Variants in MYO1B observed in about 807,000 individuals in gnomAD.
MYO1B encodes the protein myosin IB, also known as unconventional myosin-Ib.
MYO1B carries 72 observed loss-of-function variants against 159.7 expected under a neutral mutation model. The ratio of observed to expected loss-of-function variants is 0.45; its 90% CI spans 0.37 to 0.55. The LOEUF (loss-of-function observed/expected upper bound fraction) is 0.55. Among genes scored for constraint, MYO1B ranks in the 20% least tolerant of loss-of-function variants. The probability of loss-of-function intolerance (pLI) is 0.00; values close to 1 mark genes in which losing one functional copy is unlikely to be tolerated. For synonymous variants in MYO1B, 468 were observed against 473.8 expected (o/e 0.99, Z 0.16); for missense variants, 1,062 against 1,364.8 (o/e 0.78, Z 3.50).
chr2:191,302,397 T>TG (rs1380866338), intron 3 of MYO1B, among the ~76,000 whole-genome samples: 2 of 152,234 alleles, frequency 1.3e-5, no homozygotes, highest in African/African-American at 2.4e-5. Flanking sequence ...ACATTTTACC[T>TG]GTGTTATGGC....
At chr2:191,250,628 C>T (rs1171050948) in intron 1 of MYO1B, among the ~76,000 whole-genome samples, 5 of 152,210 alleles carry the variant, frequency 3.3e-5, no homozygotes, top group Non-Finnish European at 5.9e-5. Flanking sequence ...ATTCATGCTA[C>T]TGTTTATTAA....
intron 2 of MYO1B, among the ~76,000 whole-genome samples, chr2:191,279,831 G>A (rs17511445): frequency 0.38 from 57,668 of 151,952 alleles, 11,140 homozygotes; most frequent in Middle Eastern, 0.52. Flanking sequence ...TGACTCTCTA[G>A]GGATGATCCA....
At chr2:191,385,799 A>G (rs1695367348) in intron 15 of MYO1B, 85 bp from the exon 16 acceptor site, 1 of 1,364,506 alleles carries the variant, frequency 7.3e-7, no homozygotes, top group Non-Finnish European at 1.0e-6. Context: ...GACTAAGTTG[A>G]TTGTGTTTGA....
At chr2:191,253,692 A>G (rs1686265806) in intron 1 of MYO1B, among the ~76,000 whole-genome samples, 1 of 152,162 alleles carries the variant, frequency 6.6e-6, no homozygotes, top group Non-Finnish European at 1.5e-5. Flanking sequence ...GCGTCAGTTG[A>G]CACATCACAT....
chr2:191,416,350 G>A (rs756737945), intron 30 of MYO1B, 108 bp downstream of exon 30: 2 of 1,303,340 alleles, frequency 1.5e-6, no homozygotes, highest in Non-Finnish European at 2.2e-6. Context: ...TACCAGGTAT[G>A]TGTCTAGTAG....
chr2:191,416,347 T>C, intron 30 of MYO1B, 105 bp downstream of exon 30: 1 of 1,363,370 alleles, frequency 7.3e-7, no homozygotes, highest in Admixed American at 1.8e-5. Context: ...AAGTACCAGG[T>C]ATGTGTCTAG....
Position 191,364,260 on chromosome 2 carries a change from C to T in MYO1B, c.1016C>T (p.Thr339Ile), listed in dbSNP as rs151060535. The stretch of plus-strand genomic sequence containing the variant: ...GCCAAACAGGAGAAAGTTTCAACTA[C>T]ACTGAATGTGGCTCAGGTGGGTGAA... ...VEAKQEKVST[T>I]LNVAQAYYAR... The change falls in exon 11 of 31, where the codon ACA (threonine) becomes ATA (isoleucine). Residue 339 changes from threonine to isoleucine, a missense_variant. Physicochemically the swap from Thr to Ile is moderately conservative, Grantham distance 89. Coordinates refer to ENST00000392318, the MANE Select transcript of MYO1B (RefSeq NM_001130158.3). The T allele has an allele frequency of 1.2e-5, 20 of 1,613,010 alleles. No homozygotes were observed. The African/African-American group carries it at 2.5e-4, about 20-fold the overall frequency.
chr2:191,397,501 G>C (rs1696192325), intron 21 of MYO1B, among the ~76,000 whole-genome samples: 1 of 151,986 alleles, frequency 6.6e-6, no homozygotes, highest in Non-Finnish European at 1.5e-5. Context: ...GAGAGCACAG[G>C]GTTAGGGATA....
intron 11 of MYO1B, 23 bp downstream of exon 11, chr2:191,364,299 A>C (rs551377699): frequency 1.3e-6 from 2 of 1,562,326 alleles, no homozygotes; most frequent in Admixed American, 1.7e-5. Flanking sequence ...TAATGTACAG[A>C]CGAAAGTTTC....
intron 11 of MYO1B, 102 bp downstream of exon 11, chr2:191,364,378 C>T (rs1468482685): frequency 2.9e-5 from 26 of 900,754 alleles, no homozygotes; most frequent in Non-Finnish European, 3.6e-5. Context: ...TTACCTGAAT[C>T]GTACTATGTT....
At chr2:191,396,342 C>A in intron 20 of MYO1B, 87 bp from the exon 21 acceptor site, 2 of 1,387,448 alleles carry the variant, frequency 1.4e-6, no homozygotes, top group South Asian at 1.2e-5. Context: ...GTCAGTTAGA[C>A]GAAGTGAGCA....
In MYO1B at chr2:191,383,264, C is replaced by T. The variant is rs549255059; in HGVS notation, c.1291-16C>T. Reference sequence around the variant, plus strand: ...TCATCTTGTGTCATTGGATTTTGTTCTGTTTTGTCTTTTAGGATATAGAAT... The same window carrying T: ...TCATCTTGTGTCATTGGATTTTGTTTTGTTTTGTCTTTTAGGATATAGAAT... On this transcript the variant is annotated splice_polypyrimidine_tract_variant and intron_variant, in intron 14 of 30. Coordinates refer to ENST00000392318, the MANE Select transcript of MYO1B (RefSeq NM_001130158.3). The T allele has an allele frequency of 2.8e-5, 43 of 1,536,770 alleles. No individual in the cohort carries two copies. The East Asian group carries it at 1.0e-3, about 38-fold the overall frequency.
chr2:191,273,569 C>G (rs937503446), intron 1 of MYO1B, among the ~76,000 whole-genome samples: 2 of 152,152 alleles, frequency 1.3e-5, no homozygotes, highest in African/African-American at 4.8e-5. Flanking sequence ...AACCTTTGTC[C>G]TGGTATTTGA....
intron 4 of MYO1B, among the ~76,000 whole-genome samples, chr2:191,335,104 G>A (rs1185061928): frequency 4.6e-5 from 7 of 152,122 alleles, no homozygotes; most frequent in Admixed American, 3.9e-4. Flanking sequence ...ATCGTCTTGG[G>A]TGCTTCAGCT....
rs1697224422 is a variant in MYO1B, at chr2:191,411,057, AT to A, written c.2767-8del. The A allele has an allele frequency of 1.3e-6, 2 of 1,498,100 alleles. No homozygotes were observed. The highest frequency in any genetic ancestry group is 1.8e-6 in the Non-Finnish European group (2 of 1,091,120). The allele number at this position is 1,498,100 out of a possible 1,614,324, so 92.8% of individuals were successfully genotyped here. A position where few individuals can be genotyped will look rare whatever the true frequency, so the allele number is the denominator to read the frequency against. ...TGATGTTTTGTTTCTTTCTTCTCAT[AT>A]CTCACAGTGTAAAAAATACAGGGAC... On this transcript the variant is annotated splice_polypyrimidine_tract_variant and splice_region_variant and intron_variant, in intron 26 of 30. Transcript: ENST00000392318.
At chr2:191,371,892 A>T (rs1694388359) in intron 13 of MYO1B, among the ~76,000 whole-genome samples, 1 of 152,212 alleles carries the variant, frequency 6.6e-6, no homozygotes, top group Admixed American at 6.5e-5. Context: ...ATTGCTGCCC[A>T]TTTAGCAGAA....
intron 9 of MYO1B, 37 bp downstream of exon 9, chr2:191,362,408 T>C (rs1159102460): frequency 6.8e-7 from 1 of 1,479,294 alleles, no homozygotes; most frequent in Non-Finnish European, 9.4e-7. Flanking sequence ...TTAAATTGCA[T>C]ACCACTGCAT....
chr2:191,287,995 G>T (rs1380953551), intron 2 of MYO1B, among the ~76,000 whole-genome samples: 3 of 151,626 alleles, frequency 2.0e-5, no homozygotes, highest in African/African-American at 7.3e-5. Context: ...AGGCCTTTGT[G>T]CCTCTGTCTG....
Position 191,338,720 on chromosome 2 carries a change from G to A in MYO1B, c.347-2741G>A, listed in dbSNP as rs1049020052. Among the ~76,000 whole-genome samples, 28 of 152,276 alleles carry A rather than the reference G, an allele frequency of 1.8e-4. 1 individual carries two copies. The highest frequency in any genetic ancestry group is 1.4e-3 in the Admixed American group (22 of 15,294). ...ACAGGTTTTCAGAGGACTCAATGTA[G>A]CCGTGAATCTGAATTTTGAGGTTTT... On this transcript the variant is annotated intron_variant, in intron 4 of 30. Coordinates refer to ENST00000392318, the MANE Select transcript of MYO1B (RefSeq NM_001130158.3).
Sources: gnomAD v4.1 joint callset for allele counts (sites outside exome capture counted in the v4.1 genomes callset) on GRCh38, gnomAD v4.1.1 for gene constraint, MANE v1.5 for transcripts, NCBI Gene and HGNC (gene_info 2026-07-23, HGNC 2026-07-21) for gene names.